Variants in OR51B5 observed in about 807,000 individuals in gnomAD.
OR51B5 encodes the protein olfactory receptor family 51 subfamily B member 5, also known as olfactory receptor 51B5.
For missense variants in OR51B5, 456 were observed against 374.6 expected, an observed-to-expected ratio of 1.22 and a Z score of -1.79; for synonymous variants, 186 against 144.8, an observed-to-expected ratio of 1.28 and a Z score of -2.04.
chr11:5,351,561 G>A, intron 1 of OR51B5: 1 of 1,613,998 alleles, frequency 6.2e-7, no homozygotes, highest in Non-Finnish European at 8.5e-7. Flanking sequence ...TCCCAGGCAT[G>A]GAGAAGGCAC....
At chr11:5,408,154 T>C (rs1238880302) in intron 1 of OR51B5, among the ~76,000 whole-genome samples, 3 of 152,160 alleles carry the variant, frequency 2.0e-5, no homozygotes, top group African/African-American at 7.2e-5. Flanking sequence ...AGTTCCAAAT[T>C]AGCTTTCACT....
At chr11:5,422,191 T>C in intron 1 of OR51B5, 1 of 1,576,824 alleles carries the variant, frequency 6.3e-7, no homozygotes, top group Non-Finnish European at 8.6e-7. Flanking sequence ...TGAAGACACA[T>C]TCATCAGTCA....
intron 1 of OR51B5, among the ~76,000 whole-genome samples, chr11:5,424,948 C>G (rs564297295): frequency 6.8e-5 from 7 of 102,976 alleles, no homozygotes; most frequent in Non-Finnish European, 1.3e-4. Context: ...CGCCACTGCA[C>G]TCCAGCCTGG....
chr11:5,484,938 A>G (rs971477373), intron 1 of OR51B5, among the ~76,000 whole-genome samples: 5 of 152,222 alleles, frequency 3.3e-5, no homozygotes, highest in African/African-American at 1.2e-4. Context: ...AATATTCTTC[A>G]TAGCTTTATA....
chr11:5,435,074 A>G (rs1167651055), intron 1 of OR51B5, among the ~76,000 whole-genome samples: 3 of 152,196 alleles, frequency 2.0e-5, no homozygotes, highest in Non-Finnish European at 4.4e-5. Context: ...AAATAGCCCC[A>G]TCTCAAAAGG....
At chr11:5,486,245 CTGTTT>C (rs10531530) in intron 1 of OR51B5, among the ~76,000 whole-genome samples, 27,359 of 151,950 alleles carry the variant, frequency 0.18, 2,496 homozygotes, top group Middle Eastern at 0.28. Flanking sequence ...CTTTTTCTTT[CTGTTT>C]TATTTTTTCA....
intron 1 of OR51B5, among the ~76,000 whole-genome samples, chr11:5,439,210 T>G (rs543193551): frequency 8.5e-5 from 13 of 152,162 alleles, no homozygotes; most frequent in African/African-American, 3.1e-4. Context: ...GAGGTAGGAA[T>G]TGAGGGAAAA....
At chr11:5,365,536 C>T (rs1395616699) in intron 1 of OR51B5, among the ~76,000 whole-genome samples, 7 of 152,108 alleles carry the variant, frequency 4.6e-5, no homozygotes, top group East Asian at 3.9e-4. Context: ...TGTACTACCT[C>T]GAAGTTTTTT....
chr11:5,353,807 T>C (rs1475802702), intron 1 of OR51B5, among the ~76,000 whole-genome samples: 1 of 152,230 alleles, frequency 6.6e-6, no homozygotes, highest in African/African-American at 2.4e-5. Context: ...CCACCTACTC[T>C]TCATCACAGA....
chr11:5,415,689 A>C (rs1371376694), intron 1 of OR51B5, among the ~76,000 whole-genome samples: 1 of 152,144 alleles, frequency 6.6e-6, no homozygotes, highest in Non-Finnish European at 1.5e-5. Context: ...AAATGGATAA[A>C]TTCCTCGACA....
At chr11:5,367,513 T>C (rs1849388347) in intron 1 of OR51B5, among the ~76,000 whole-genome samples, 1 of 152,162 alleles carries the variant, frequency 6.6e-6, no homozygotes, top group Non-Finnish European at 1.5e-5. Context: ...TAAACAGTCA[T>C]AGTGCTGGTG....
chr11:5,355,797 G>A (rs984740855), intron 1 of OR51B5, among the ~76,000 whole-genome samples: 3 of 151,956 alleles, frequency 2.0e-5, no homozygotes, highest in African/African-American at 7.3e-5. Context: ...AAGGGGTATA[G>A]GGTAGCAAAA....
At chr11:5,473,689 G>C (rs1851263412) in intron 1 of OR51B5, among the ~76,000 whole-genome samples, 2 of 152,104 alleles carry the variant, frequency 1.3e-5, no homozygotes, top group South Asian at 4.1e-4. Context: ...TACACATTTA[G>C]AGCATCAGAA....
chr11:5,459,326 G>A (rs554578703), intron 1 of OR51B5, among the ~76,000 whole-genome samples: 1 of 152,220 alleles, frequency 6.6e-6, no homozygotes, highest in African/African-American at 2.4e-5. Context: ...TAGGGGATTA[G>A]CTCTTTGATG....
Position 5,396,974 on chromosome 11 carries a change from A to T in OR51B5, n.85-50064T>A, listed in dbSNP as rs1398588335. Among the ~76,000 whole-genome samples the T allele has an allele frequency of 7.2e-5, 11 of 152,356 alleles. No homozygotes were observed. The South Asian group carries it at 2.1e-3, about 29-fold the overall frequency. On this transcript the variant is annotated intron_variant and non_coding_transcript_variant, in intron 1 of 4. Transcript: ENST00000415970. ...GGGGAAAGGATTCCCTGTTTAATAA[A>T]TGGTGCTGGGAAAACTGGCTAGCCA...
At chr11:5,430,402 CCA>C (rs1263113022) in intron 1 of OR51B5, among the ~76,000 whole-genome samples, 6 of 151,990 alleles carry the variant, frequency 3.9e-5, no homozygotes, top group Non-Finnish European at 7.4e-5. Flanking sequence ...TACTTCTGCC[CCA>C]AAGTCACCAT....
chr11:5,375,943 G>A (rs567815002), intron 1 of OR51B5, among the ~76,000 whole-genome samples: 1 of 151,980 alleles, frequency 6.6e-6, no homozygotes, highest in African/African-American at 2.4e-5. Flanking sequence ...ATTGAACACA[G>A]CTCTGCACCA....
At chr11:5,347,623 A>C (rs189714853), upstream of OR51B5, among the ~76,000 whole-genome samples, 30 of 152,302 alleles carry the variant, frequency 2.0e-4, no homozygotes, top group East Asian at 5.8e-3. Flanking sequence ...CAAAGCCACA[A>C]TGTAGACAAA....
intron 1 of OR51B5, among the ~76,000 whole-genome samples, chr11:5,397,307 T>C (rs563112727): frequency 0.015 from 2,327 of 152,300 alleles, 34 homozygotes; most frequent in Middle Eastern, 0.02. Context: ...TCTACTCATC[T>C]GACAAAGGGC....
Sources: allele counts gnomAD v4.1 joint callset (sites outside exome capture counted in the v4.1 genomes callset), GRCh38; gene constraint gnomAD v4.1.1; transcripts MANE v1.5; gene names NCBI Gene and HGNC (gene_info 2026-07-23, HGNC 2026-07-21).